Variants in DNAH11 observed in about 807,000 individuals in gnomAD.
DNAH11 encodes dynein axonemal heavy chain 11, also known as axonemal beta dynein heavy chain 11.
A neutral mutation model predicts 526.0 loss-of-function variants in DNAH11; 442 were observed. The observed-to-expected ratio is 0.84, with a 90% confidence interval of 0.78 to 0.91. DNAH11 has a LOEUF of 0.91. Ranked by LOEUF, DNAH11 falls within the 40% of genes least tolerant of loss-of-function variation. DNAH11 has a pLI of 0.00. For synonymous variants in DNAH11, 2,461 were observed against 1,935.9 expected, an observed-to-expected ratio of 1.27 and a Z score of -7.12; for missense variants, 6,989 against 5,448.7, an observed-to-expected ratio of 1.28 and a Z score of -8.90.
At chr7:21,735,869 G>T (rs147090526) in intron 46 of DNAH11, 25 bp downstream of exon 46, 2 of 1,558,630 alleles carry the variant, frequency 1.3e-6, no homozygotes, top group Admixed American at 3.7e-5. Flanking sequence ...TTATTTTCTA[G>T]AAACAAGGGA....
In DNAH11 at chr7:21,892,512, C is replaced by CT; in HGVS notation, c.12597dup (p.Pro4200SerfsTer15). The CT allele has an allele frequency of 6.2e-7, 1 of 1,613,970 alleles. No individual in the cohort carries two copies. The highest frequency in any genetic ancestry group is 8.5e-7 in the Non-Finnish European group (1 of 1,179,888). On this transcript the variant is annotated frameshift_variant, in exon 77 of 82. Coordinates refer to ENST00000409508, the MANE Select transcript of DNAH11 (RefSeq NM_001277115.2). LOFTEE classifies it high-confidence loss of function. ...CTACCACCAGTACATAGAGGAGATG[C>CT]TTCCTCCAGAAAGCCCGGCACTGTA...
intron 29 of DNAH11, 101 bp from the exon 30 acceptor site, chr7:21,658,697 C>A: frequency 1.1e-6 from 1 of 921,934 alleles, no homozygotes; most frequent in Non-Finnish European, 1.6e-6. Flanking sequence ...AATGAATCCA[C>A]CTGGGGCATT....
intron 19 of DNAH11, 34 bp downstream of exon 19, chr7:21,606,576 G>A: frequency 6.4e-7 from 1 of 1,556,344 alleles, no homozygotes; most frequent in Admixed American, 1.9e-5. Context: ...TTTTAAGAAA[G>A]GTTTTACTAG....
rs774963422 is a variant in DNAH11, at chr7:21,867,929, G to A, written c.11761G>A (p.Glu3921Lys). The change falls in exon 72 of 82, where the codon GAA (glutamate) becomes AAA (lysine). Residue 3921 changes from glutamate to lysine, a missense_variant. Transcript: ENST00000409508. ...CAGATTGGACTTAGTTAAAGCATTC[G>A]AAGAAAGCAGCCCAGCCACCCCCAT... ...RTRLDLVKAF[E>K]ESSPATPIFF... The A allele has an allele frequency of 7.6e-6, 12 of 1,575,900 alleles. No individual in the cohort carries two copies. The highest frequency in any genetic ancestry group is 4.1e-5 in the African/African-American group (3 of 74,022).
chr7:21,658,100 T>C (rs578207344), intron 29 of DNAH11, among the ~76,000 whole-genome samples: 14 of 152,216 alleles, frequency 9.2e-5, no homozygotes, highest in African/African-American at 3.4e-4. Context: ...AAAATACATT[T>C]GAACAGGATG....
chr7:21,560,369 G>C (rs1271155683), intron 4 of DNAH11, among the ~76,000 whole-genome samples: 2 of 152,152 alleles, frequency 1.3e-5, no homozygotes, highest in Non-Finnish European at 2.9e-5. Context: ...TTGACTCACA[G>C]GATCACAAGG....
At position 21,564,327 on chromosome 7, in the gene DNAH11, C is replaced by A. The variant is rs528684070; in HGVS notation, c.1124C>A (p.Ser375Tyr). 2 of 1,613,546 alleles carry A rather than the reference C, an allele frequency of 1.2e-6. No individual in the cohort carries two copies. Among genetic ancestry groups the A allele is most frequent in the Non-Finnish European group, 1.7e-6 (2 of 1,179,730 alleles). ...ACCATCTGTCTGATCTGGAGTCATTCCAAGTTTTATAACACCCCAGCTCGG... is the reference window on the plus strand; with the variant it reads ...ACCATCTGTCTGATCTGGAGTCATTACAAGTTTTATAACACCCCAGCTCGG... ...FHTICLIWSH[S>Y]KFYNTPARVI... Residue 375 changes from serine (S) to tyrosine (Y), a missense_variant, in exon 6 of 82, where the codon TCC (serine) becomes TAC (tyrosine). By Grantham distance (144) the Ser-to-Tyr change is moderately radical (BLOSUM62 -2). Transcript: ENST00000409508.
Position 21,744,953 on chromosome 7 carries a change from A to C in DNAH11, c.8400A>C (p.Pro2800=), listed in dbSNP as rs1786077806. 1 of 1,610,800 alleles carries C rather than the reference A, an allele frequency of 6.2e-7. No homozygotes were observed. Among genetic ancestry groups the C allele is most frequent in the Non-Finnish European group, 8.5e-7 (1 of 1,178,518 alleles). Residue 2800 remains proline (P), a synonymous_variant, in exon 51 of 82, where the codon CCA becomes CCC. Coordinates refer to ENST00000409508, the MANE Select transcript of DNAH11 (RefSeq NM_001277115.2). ...ADRGKDPHYM[P]VKDWEVLKTI... Reference sequence around the variant, plus strand: ...GAGGGAAGGACCCACATTACATGCCAGTGAAGGACTGGGAAGTGCTGAAGA... The same window carrying C: ...GAGGGAAGGACCCACATTACATGCCCGTGAAGGACTGGGAAGTGCTGAAGA...
rs1562614588 is a variant in DNAH11 at position 21,901,152 on chromosome 7, C to A, written c.13449C>A (p.Thr4483=). The A allele has an allele frequency of 6.2e-7, 1 of 1,612,924 alleles. No homozygotes were observed. ...KQTYECPVYR[T]KLRGPSYIWT... ...CCTACGAGTGCCCTGTGTATAGAAC[C>A]AAACTGAGAGGCCCCAGCTACATCT... The change falls in exon 82 of 82, where the codon ACC becomes ACA. Residue 4483 remains threonine (T), a synonymous_variant. Coordinates refer to ENST00000409508, the MANE Select transcript of DNAH11 (RefSeq NM_001277115.2).
chr7:21,601,966 AC>A (rs1439032006), intron 18 of DNAH11, among the ~76,000 whole-genome samples: 1 of 150,952 alleles, frequency 6.6e-6, no homozygotes, highest in African/African-American at 2.4e-5. Flanking sequence ...ATATATCCAT[AC>A]TTTTTTTTTT....
rs1227077036 is a variant in DNAH11, at chr7:21,571,849, T to A, written c.1469T>A (p.Leu490Gln). 20 of 1,613,108 alleles carry A rather than the reference T, an allele frequency of 1.2e-5. No individual in the cohort carries two copies. The highest frequency in any genetic ancestry group is 1.7e-5 in the Non-Finnish European group (20 of 1,179,524). ...TTGGAATTTGAAAAGCTGGAAAGAC[T>A]GGAATTTGGTGGTACCAAAGGAGCA... Reference protein sequence around the residue: ...TTLEFEKLERLEFGGTKGAIL... With the variant: ...TTLEFEKLERQEFGGTKGAIL... Residue 490 changes from leucine (L) to glutamine (Q), a missense_variant, in exon 8 of 82, where the codon CTG becomes CAG. By Grantham distance (113) the Leu-to-Gln change is moderately radical. Coordinates refer to ENST00000409508, the MANE Select transcript of DNAH11 (RefSeq NM_001277115.2).
intron 54 of DNAH11, 58 bp downstream of exon 54, chr7:21,750,422 G>T: frequency 6.5e-7 from 1 of 1,534,504 alleles, no homozygotes; most frequent in Non-Finnish European, 8.8e-7. Flanking sequence ...CAACTCTCTG[G>T]TTCTATTCTG....
chr7:21,639,164 C>A, intron 28 of DNAH11, 99 bp downstream of exon 28: 6 of 1,377,258 alleles, frequency 4.4e-6, no homozygotes, highest in East Asian at 2.5e-5. Flanking sequence ...GTCACGTGGG[C>A]CAGGAACTAG....
intron 65 of DNAH11, among the ~76,000 whole-genome samples, chr7:21,830,771 C>G (rs1419174966): frequency 6.6e-6 from 1 of 152,094 alleles, no homozygotes; most frequent in Non-Finnish European, 1.5e-5. Context: ...TTTACTCACC[C>G]CATGTCCTAG....
At chr7:21,688,220 C>G (rs1014751922) in intron 34 of DNAH11, among the ~76,000 whole-genome samples, 2 of 152,172 alleles carry the variant, frequency 1.3e-5, no homozygotes, top group African/African-American at 4.8e-5. Flanking sequence ...CTACATCTCT[C>G]TCCCCTCACA....
intron 51 of DNAH11, among the ~76,000 whole-genome samples, chr7:21,745,455 C>A (rs1189200188): frequency 1.3e-5 from 2 of 152,158 alleles, no homozygotes; most frequent in African/African-American, 2.4e-5. Context: ...TGGGGGAGGG[C>A]TCATGCTTTC....
At position 21,678,670 on chromosome 7, in the gene DNAH11, T is replaced by C. The variant is rs140971664; in HGVS notation, c.5329-2876T>C. ...GGCAGTACAGAGATTTTAACAAATA[T>C]AAATTATTCTAATCCAAGGGCATAG... On this transcript the variant is annotated intron_variant, in intron 30 of 81. Coordinates refer to ENST00000409508, the MANE Select transcript of DNAH11 (RefSeq NM_001277115.2). Among the ~76,000 whole-genome samples the C allele has an allele frequency of 1.8e-3, 275 of 152,320 alleles. 10 individuals carry two copies. The East Asian group carries it at 0.043, about 24-fold the overall frequency.
intron 79 of DNAH11, among the ~76,000 whole-genome samples, chr7:21,897,869 G>A (rs536757659): frequency 2.0e-5 from 3 of 152,092 alleles, no homozygotes; most frequent in South Asian, 4.2e-4. Context: ...CACCTGCCTC[G>A]GCCTCCCAAA....
intron 51 of DNAH11, 41 bp downstream of exon 51, chr7:21,745,104 A>G (rs1786086463): frequency 6.4e-7 from 1 of 1,557,412 alleles, no homozygotes; most frequent in Non-Finnish European, 8.7e-7. Context: ...AAAAGGAAGA[A>G]TGGCTGGATA....
Sources: gnomAD v4.1 joint callset for allele counts (sites outside exome capture counted in the v4.1 genomes callset) on GRCh38, gnomAD v4.1.1 for gene constraint, MANE v1.5 for transcripts, NCBI Gene and HGNC (gene_info 2026-07-23, HGNC 2026-07-21) for gene names.